Variants in DNM1 observed in about 807,000 individuals in gnomAD.
DNM1 encodes the protein dynamin 1.
In DNM1, 29 loss-of-function variants were observed where a neutral mutation model predicts 104.6. The observed-to-expected ratio is 0.28, with a 90% CI of 0.21 to 0.38. DNM1 has a LOEUF of 0.38. Ranked by LOEUF, DNM1 falls within the 10% of genes least tolerant of loss-of-function variation. DNM1 has a pLI of 1.00. For synonymous variants in DNM1, 445 were observed against 475.8 expected, an observed-to-expected ratio of 0.94 and a Z score of 0.84; for missense variants, 640 against 1,189.4, an observed-to-expected ratio of 0.54 and a Z score of 6.79.
Position 128,220,927 on chromosome 9 carries a change from TTCTTTCTTTTC to T in DNM1, c.849+588_849+598del, listed in dbSNP as rs1328157031. On this transcript the variant is annotated intron_variant, in intron 6 of 21. Coordinates refer to ENST00000372923, the MANE Select transcript of DNM1 (RefSeq NM_004408.4). The surrounding 1 kb of genome is among the most constrained non-coding windows in gnomAD (Gnocchi z 5.2). ...TTTCTTTCTTTCTTTCTTTCTTTCT[TTCTTTCTTTTC>T]TTTTCTTTCTTTCTTTCCTTTCTTC... 1.2e-4 allele frequency among the ~76,000 whole-genome samples: 17 copies of T among 146,496 alleles called. No individual in the cohort carries two copies. The highest frequency in any genetic ancestry group is 3.5e-4 in the African/African-American group (14 of 40,198).
Position 128,240,018 on chromosome 9 carries a change from C to T in DNM1, c.1557+22C>T. The T allele has an allele frequency of 6.2e-7, 1 of 1,614,096 alleles. No individual in the cohort carries two copies. The highest frequency in any genetic ancestry group is 8.5e-7 in the Non-Finnish European group (1 of 1,179,992). On this transcript the variant is annotated intron_variant, in intron 14 of 21. Coordinates refer to ENST00000372923, the MANE Select transcript of DNM1 (RefSeq NM_004408.4). The surrounding 1 kb of genome is among the most constrained non-coding windows in gnomAD (Gnocchi z 5.1). ...TCTGGTGAGTACCAGGACTGGGGCT[C>T]TCGGCTTGTGTAGTGAGGGGGCGGA...
intron 10 of DNM1, chr9:128,232,171 C>G (rs1315566015): frequency 2.5e-6 from 1 of 404,764 alleles, no homozygotes; most frequent in African/African-American, 2.1e-5. Context: ...GCGCCCTCCT[C>G]CTCCCTCCTT....
At chr9:128,227,692 T>A (rs1835430657) in intron 10 of DNM1, among the ~76,000 whole-genome samples, 1 of 152,178 alleles carries the variant, frequency 6.6e-6, no homozygotes, top group Admixed American at 6.5e-5. Flanking sequence ...AGTCTCATGC[T>A]CTTTAACTAC....
intron 4 of DNM1, among the ~76,000 whole-genome samples, chr9:128,219,751 C>T (rs1410609387): frequency 6.6e-6 from 1 of 152,172 alleles, no homozygotes; most frequent in Non-Finnish European, 1.5e-5. Context: ...TCGCTTGAAG[C>T]CAGGAGTTGG....
chr9:128,225,161 G>T (rs970866157), intron 10 of DNM1, among the ~76,000 whole-genome samples: 3 of 152,078 alleles, frequency 2.0e-5, no homozygotes, highest in Non-Finnish European at 2.9e-5. Flanking sequence ...TTGAAGCCAC[G>T]GCTCTGGACT....
Position 128,243,027 on chromosome 9 carries a change from T to C in DNM1, c.1671+682T>C, listed in dbSNP as rs995893423. The stretch of plus-strand genomic sequence containing the variant: ...CCCACAGGCCCATGACACACACAAG[T>C]CTAGCTGCCAGACACCCGGTTAACC... On this transcript the variant is annotated intron_variant, in intron 15 of 21. Transcript: ENST00000372923. This position sits in a 1 kb window ranked among gnomAD's most constrained non-coding sequence, Gnocchi z 4.0. Among the ~76,000 whole-genome samples, 2 of 151,978 alleles carry C rather than the reference T, an allele frequency of 1.3e-5. No homozygotes were observed. Among genetic ancestry groups the C allele is most frequent in the Non-Finnish European group, 2.9e-5 (2 of 67,956 alleles).
chr9:128,209,031 G>A (rs1354211574), intron 1 of DNM1, among the ~76,000 whole-genome samples: 1 of 152,194 alleles, frequency 6.6e-6, no homozygotes, highest in African/African-American at 2.4e-5. Context: ...GAGACTAGGA[G>A]GGTTGGGGAG....
intron 10 of DNM1, 155 bp from the exon 11 acceptor site, chr9:128,233,866 A>G (rs550307726): frequency 1.5e-6 from 1 of 656,748 alleles, no homozygotes; most frequent in South Asian, 1.8e-5. Context: ...TGGTGCCATC[A>G]GCGTCCTGGG....
At position 128,245,055 on chromosome 9, in the gene DNM1, A is replaced by C; in HGVS notation, c.1672-1339A>C. 4.1e-6 allele frequency: 1 copy of C among 244,514 alleles called. No homozygotes were observed. Among genetic ancestry groups the C allele is most frequent in the Non-Finnish European group, 8.4e-6 (1 of 118,560 alleles). The allele number at this position is 244,514 out of a possible 1,614,324, so 15.1% of individuals were successfully genotyped here. On this transcript the variant is annotated intron_variant, in intron 15 of 21. Transcript: ENST00000372923. The surrounding 1 kb of genome is among the most constrained non-coding windows in gnomAD (Gnocchi z 5.2). ...CTGAGGAGGGGGCCGGCCGGCAGGA[A>C]GGGAGGGGTGGGGGGAGGAGGCCGC...
Position 128,224,399 on chromosome 9 carries a change from A to C in DNM1, c.1335+10A>C, listed in dbSNP as rs542427945. Reference sequence around the variant, plus strand: ...ACAGTGCACCAAGAAGGTAACCCGGAGGCCCGGGCCAGCCCCCACCGCCTC... The same window carrying C: ...ACAGTGCACCAAGAAGGTAACCCGGCGGCCCGGGCCAGCCCCCACCGCCTC... On this transcript the variant is annotated intron_variant, in intron 10 of 21. Transcript: ENST00000372923. This position sits in a 1 kb window ranked among gnomAD's most constrained non-coding sequence, Gnocchi z 4.3. 54 of 1,605,352 alleles carry C rather than the reference A, an allele frequency of 3.4e-5. 2 individuals carry two copies. The South Asian group carries it at 5.8e-4, about 17-fold the overall frequency.
In DNM1 at chr9:128,250,783, C is replaced by T. The variant is rs1360197057; in HGVS notation, c.2377C>T (p.Pro793Ser). The T allele has an allele frequency of 1.5e-6, 2 of 1,378,782 alleles. No individual in the cohort carries two copies. Among genetic ancestry groups the T allele is most frequent in the East Asian group, 6.1e-5 (2 of 32,596 alleles). The allele number at this position is 1,378,782 out of a possible 1,614,324, so 85.4% of individuals were successfully genotyped here. ...AGCCCCCGCCGTGCCCCCAGCCCGG[C>T]CCGGGTCGCGGGGCCCTGCTCCTGG... ...RRAPAVPPAR[P>S]GSRGPAPGPP... The change falls in exon 21 of 22, where the codon CCC becomes TCC. Residue 793 changes from proline (P) to serine (S), a missense_variant. Coordinates refer to ENST00000372923, the MANE Select transcript of DNM1 (RefSeq NM_004408.4).
intron 1 of DNM1, among the ~76,000 whole-genome samples, chr9:128,211,472 C>CTTTTTTTT (rs56712140): frequency 1.3e-5 from 1 of 78,112 alleles, no homozygotes; most frequent in Non-Finnish European, 2.3e-5. Context: ...CTGGAAGCCT[C>CTTTTTTTT]TTTTTTTTTT....
At chr9:128,252,107 C>T (rs71497684) in intron 21 of DNM1, 41 of 204,336 alleles carry the variant, frequency 2.0e-4, no homozygotes, top group Non-Finnish European at 3.4e-4. Flanking sequence ...GCCTCAGCAT[C>T]CCTTCTATCA....
At chr9:128,239,686 C>A in intron 12 of DNM1, 42 bp from the exon 13 acceptor site, 1 of 1,591,030 alleles carries the variant, frequency 6.3e-7, no homozygotes, top group Non-Finnish European at 8.6e-7. Flanking sequence ...TAGAGCTGGG[C>A]CTCTTGAGAA....
At chr9:128,214,614 C>T (rs142671810) in intron 1 of DNM1, among the ~76,000 whole-genome samples, 9 of 152,318 alleles carry the variant, frequency 5.9e-5, no homozygotes, top group African/African-American at 1.7e-4. Context: ...ACCCCTCTCA[C>T]GGTGACAACT....
chr9:128,252,934 C>T (rs1829616450), intron 21 of DNM1: 6 of 712,896 alleles, frequency 8.4e-6, no homozygotes, highest in Admixed American at 4.0e-5. Flanking sequence ...GGGAAGGAGG[C>T]GTATGCGTGT....
At chr9:128,212,594 T>C (rs1383322061) in intron 1 of DNM1, among the ~76,000 whole-genome samples, 1 of 152,184 alleles carries the variant, frequency 6.6e-6, no homozygotes, top group Non-Finnish European at 1.5e-5. Context: ...GTTAGGTGAA[T>C]AGAGAAGCTA....
chr9:128,217,324 G>T (rs943243200), intron 1 of DNM1, among the ~76,000 whole-genome samples: 24 of 152,216 alleles, frequency 1.6e-4, no homozygotes, highest in Non-Finnish European at 3.1e-4. Flanking sequence ...CAAAATGGGG[G>T]TAATAACAGC....
In DNM1 at chr9:128,244,547, C is replaced by G. The variant is rs1338538928; in HGVS notation, c.1672-1847C>G. ...CCATTGACCCCCCCATCCTCTCAGT[C>G]TTCCTCGGCCACCCTTCCCCCATCA... is the stretch of plus-strand genomic sequence containing the variant. On this transcript the variant is annotated intron_variant, in intron 15 of 21. Transcript: ENST00000372923. Among the ~76,000 whole-genome samples the G allele has an allele frequency of 2.7e-5, 4 of 150,466 alleles. 1 individual carries two copies. The highest frequency in any genetic ancestry group is 4.3e-4 in the South Asian group (2 of 4,682).
Sources: allele counts gnomAD v4.1 joint callset (sites outside exome capture counted in the v4.1 genomes callset), GRCh38; gene constraint gnomAD v4.1.1; non-coding constraint Gnocchi (gnomAD v3.1); transcripts MANE v1.5; gene names NCBI Gene and HGNC (gene_info 2026-07-23, HGNC 2026-07-21).